The following SLC24A2 variants were observed in gnomAD, a reference collection of about 807,000 sequenced individuals.
The protein encoded by SLC24A2 is sodium/potassium/calcium exchanger 2.
In SLC24A2, 36 loss-of-function variants were observed where a neutral mutation model predicts 62.0. That is an observed-to-expected ratio of 0.58 (90% CI 0.44 to 0.77). SLC24A2 has a LOEUF of 0.77. Among genes scored for constraint, SLC24A2 ranks in the 30% least tolerant of loss-of-function variants. The pLI, the probability that SLC24A2 is intolerant of heterozygous loss-of-function variation, is 0.00. For missense variants in SLC24A2, 846 were observed against 817.9 expected (o/e 1.03, Z -0.42); for synonymous variants, 358 against 294.0 (o/e 1.22, Z -2.23).
chr9:19,732,933 G>T (rs1472661557), intron 2 of SLC24A2, among the ~76,000 whole-genome samples: 1 of 152,196 alleles, frequency 6.6e-6, no homozygotes, highest in Non-Finnish European at 1.5e-5. Context: ...GAATTAACCT[G>T]TGGCCTTTTT....
chr9:20,018,791 T>C, the SLC24A2 span, among the ~76,000 whole-genome samples: 1 of 151,920 alleles, frequency 6.6e-6, no homozygotes, highest in East Asian at 1.9e-4. Context: ...TCTTAAAAAG[T>C]AGGGTGGTAT....
chr9:19,596,392 ATAT>A (rs923011716), intron 5 of SLC24A2, among the ~76,000 whole-genome samples: 2 of 152,194 alleles, frequency 1.3e-5, no homozygotes, highest in Non-Finnish European at 2.9e-5. Flanking sequence ...TAACTTACAA[ATAT>A]TATATATTTT....
the SLC24A2 span, among the ~76,000 whole-genome samples, chr9:20,160,506 C>T: frequency 3.0e-3 from 455 of 151,298 alleles, 3 homozygotes; most frequent in African/African-American, 0.01. Flanking sequence ...AGTACATATG[C>T]GGCATTCACA....
chr9:19,969,515 A>G, the SLC24A2 span, among the ~76,000 whole-genome samples: 2 of 151,708 alleles, frequency 1.3e-5, no homozygotes, highest in African/African-American at 2.4e-5. Context: ...GTGTCTCTTC[A>G]CTCCTCACAC....
At chr9:19,816,767 A>T in the SLC24A2 span, among the ~76,000 whole-genome samples, 1 of 151,750 alleles carries the variant, frequency 6.6e-6, no homozygotes, top group Non-Finnish European at 1.5e-5. Flanking sequence ...ACCAGATCTC[A>T]TGAGAACTCA....
At chr9:19,685,856 T>G (rs1819865103) in intron 2 of SLC24A2, among the ~76,000 whole-genome samples, 4 of 152,104 alleles carry the variant, frequency 2.6e-5, no homozygotes. Context: ...GACATTGGAC[T>G]TGGCAAACAT....
At position 19,721,877 on chromosome 9, in the gene SLC24A2, GAA is replaced by G. The variant is rs1290327205; in HGVS notation, c.930+64058_930+64059del. On this transcript the variant is annotated intron_variant, in intron 2 of 10. Coordinates refer to ENST00000341998, the MANE Select transcript of SLC24A2 (RefSeq NM_020344.4). The stretch of plus-strand genomic sequence containing the variant: ...CGTTGTCATTATTCTTCACATAACT[GAA>G]AAGTCACTAAATTAGTGAGGTTCAT... Among the ~76,000 whole-genome samples the G allele has an allele frequency of 5.9e-5, 9 of 152,162 alleles. No individual in the cohort carries two copies. In the South Asian group the frequency reaches 1.5e-3, roughly 25 times the overall value.
chr9:19,905,810 G>A, the SLC24A2 span, among the ~76,000 whole-genome samples: 1 of 152,152 alleles, frequency 6.6e-6, no homozygotes, highest in Admixed American at 6.5e-5. Flanking sequence ...CAGATTAACA[G>A]GAGGAAAGAA....
At chr9:20,073,473 A>C in the SLC24A2 span, among the ~76,000 whole-genome samples, 1 of 152,086 alleles carries the variant, frequency 6.6e-6, no homozygotes, top group Non-Finnish European at 1.5e-5. Context: ...ATCCCATTCT[A>C]TTCATAGATC....
At chr9:20,069,844 C>T in the SLC24A2 span, among the ~76,000 whole-genome samples, 3 of 152,206 alleles carry the variant, frequency 2.0e-5, no homozygotes, top group Admixed American at 2.0e-4. Flanking sequence ...TCTGTCTCCT[C>T]AGTGGACTCT....
chr9:20,005,138 T>C, the SLC24A2 span, among the ~76,000 whole-genome samples: 1 of 152,180 alleles, frequency 6.6e-6, no homozygotes, highest in African/African-American at 2.4e-5. Flanking sequence ...GTGTCTTTAA[T>C]TGTAATCTAC....
intron 5 of SLC24A2, among the ~76,000 whole-genome samples, chr9:19,588,512 T>C (rs1029843009): frequency 6.6e-6 from 1 of 152,166 alleles, no homozygotes; most frequent in East Asian, 1.9e-4. Flanking sequence ...AGAGGTCAAA[T>C]ACCTCTACCA....
At chr9:19,931,219 G>A in the SLC24A2 span, among the ~76,000 whole-genome samples, 1 of 152,196 alleles carries the variant, frequency 6.6e-6, no homozygotes, top group Non-Finnish European at 1.5e-5. Flanking sequence ...GGAAGGTCAG[G>A]TTGCAGTCCT....
chr9:20,035,015 T>A, the SLC24A2 span, among the ~76,000 whole-genome samples: 2 of 152,118 alleles, frequency 1.3e-5, no homozygotes, highest in Non-Finnish European at 2.9e-5. Context: ...ATGTGCTGTA[T>A]AATTAAATGA....
At chr9:19,588,753 G>C (rs1836452126) in intron 5 of SLC24A2, among the ~76,000 whole-genome samples, 1 of 152,138 alleles carries the variant, frequency 6.6e-6, no homozygotes, top group South Asian at 2.1e-4. Flanking sequence ...TTGAGGTCAG[G>C]GATTCAAGAC....
At chr9:19,924,404 A>G in the SLC24A2 span, among the ~76,000 whole-genome samples, 2 of 152,134 alleles carry the variant, frequency 1.3e-5, no homozygotes, top group African/African-American at 4.8e-5. Context: ...TCCTGCAGTT[A>G]CCAGTTACCT....
At chr9:19,570,024 C>T (rs1404453406) in intron 7 of SLC24A2, among the ~76,000 whole-genome samples, 2 of 152,192 alleles carry the variant, frequency 1.3e-5, no homozygotes, top group African/African-American at 4.8e-5. Flanking sequence ...TTGTTCATGG[C>T]CTTTGGGGCC....
chr9:20,199,043 G>C, the SLC24A2 span, among the ~76,000 whole-genome samples: 2 of 152,338 alleles, frequency 1.3e-5, no homozygotes, highest in Non-Finnish European at 2.9e-5. Flanking sequence ...AGACTAGGTA[G>C]GGGACAAGGA....
At chr9:20,255,990 G>A in the SLC24A2 span, among the ~76,000 whole-genome samples, 2 of 152,186 alleles carry the variant, frequency 1.3e-5, no homozygotes, top group Non-Finnish European at 2.9e-5. Context: ...CCAAGATCAA[G>A]GGTCTGGCAT....
Sources: gnomAD v4.1 joint callset for allele counts (sites outside exome capture counted in the v4.1 genomes callset) on GRCh38, gnomAD v4.1.1 for gene constraint, MANE v1.5 for transcripts, NCBI Gene and HGNC (gene_info 2026-07-23, HGNC 2026-07-21) for gene names.